The following RARB variants were observed in gnomAD, a reference collection of about 807,000 sequenced individuals.
The protein encoded by RARB is HBV-activated protein.
A neutral mutation model predicts 51.9 loss-of-function variants in RARB; 17 were observed. The observed-to-expected ratio is 0.33, with a 90% CI of 0.22 to 0.49. The LOEUF is 0.49. RARB is among the 20% of genes least tolerant of loss of function. The pLI, the probability that RARB is intolerant of heterozygous loss-of-function variation, is 0.99. For synonymous variants in RARB, 215 were observed against 195.4 expected, an observed-to-expected ratio of 1.10 and a Z score of -0.84; for missense variants, 369 against 550.8, an observed-to-expected ratio of 0.67 and a Z score of 3.30.
chr3:25,387,882 A>G (rs1229239491), intron 5 of RARB, among the ~76,000 whole-genome samples: 1 of 152,196 alleles, frequency 6.6e-6, no homozygotes, highest in African/African-American at 2.4e-5. Context: ...TAGAAAAAAA[A>G]AAAAGAGCAT....
intron 5 of RARB, among the ~76,000 whole-genome samples, chr3:25,223,726 A>G (rs766865228): frequency 3.3e-5 from 5 of 152,260 alleles, no homozygotes; most frequent in Non-Finnish European, 7.3e-5. Context: ...GAAAAGTTCC[A>G]TTAGTTACCA....
At chr3:24,995,282 T>TC (rs1474514278) in intron 2 of RARB, among the ~76,000 whole-genome samples, 4 of 152,170 alleles carry the variant, frequency 2.6e-5, no homozygotes, top group African/African-American at 7.2e-5. Flanking sequence ...TGTCTTTTTT[T>TC]CAGCTAGTTT....
chr3:24,881,973 T>A (rs1703175672), intron 2 of RARB, among the ~76,000 whole-genome samples: 1 of 152,176 alleles, frequency 6.6e-6, no homozygotes. Context: ...AAAAGATACG[T>A]AATTATGTGC....
chr3:25,042,034 C>T (rs903098178), intron 2 of RARB, among the ~76,000 whole-genome samples: 3 of 151,992 alleles, frequency 2.0e-5, no homozygotes, highest in African/African-American at 2.4e-5. Context: ...GTAATAACAT[C>T]GGGAGTGGAA....
intron 2 of RARB, among the ~76,000 whole-genome samples, chr3:25,034,210 T>G (rs537207293): frequency 1.3e-5 from 2 of 152,182 alleles, no homozygotes; most frequent in Non-Finnish European, 2.9e-5. Context: ...CTCAGGAGGC[T>G]AAGGCGGGAG....
chr3:25,018,714 CT>C (rs1452059630), intron 2 of RARB, among the ~76,000 whole-genome samples: 1 of 152,172 alleles, frequency 6.6e-6, no homozygotes. Flanking sequence ...AATTTTACAT[CT>C]GTGACTCAGT....
intron 2 of RARB, among the ~76,000 whole-genome samples, chr3:24,863,953 C>T (rs1209009117): frequency 6.6e-6 from 1 of 152,062 alleles, no homozygotes; most frequent in African/African-American, 2.4e-5. Context: ...GCTCTTGGCG[C>T]CACCCTATCT....
At chr3:25,021,756 G>A (rs1235616535) in intron 2 of RARB, among the ~76,000 whole-genome samples, 1 of 151,802 alleles carries the variant, frequency 6.6e-6, no homozygotes, top group Non-Finnish European at 1.5e-5. Context: ...GTTGTACTGA[G>A]TGCCAAAGAA....
At chr3:25,168,906 A>T (rs1276384812) in intron 4 of RARB, among the ~76,000 whole-genome samples, 2 of 152,224 alleles carry the variant, frequency 1.3e-5, no homozygotes, top group African/African-American at 4.8e-5. Context: ...AACACAATGA[A>T]GCAGGGAAAG....
chr3:25,565,571 T>G (rs1700459807), intron 3 of RARB, among the ~76,000 whole-genome samples: 1 of 152,178 alleles, frequency 6.6e-6, no homozygotes, highest in South Asian at 2.1e-4. Context: ...TCAATAAATA[T>G]TCATTGAATG....
intron 4 of RARB, among the ~76,000 whole-genome samples, chr3:25,155,593 T>C (rs975922463): frequency 4.6e-5 from 7 of 152,234 alleles, no homozygotes; most frequent in African/African-American, 1.7e-4. Context: ...GTTAATTAAG[T>C]AGGTGGATTA....
At chr3:24,978,673 T>C (rs1244011781) in intron 2 of RARB, among the ~76,000 whole-genome samples, 2 of 152,128 alleles carry the variant, frequency 1.3e-5, no homozygotes, top group East Asian at 3.9e-4. Flanking sequence ...TTGCTATCAG[T>C]CTGTTTTGTT....
At chr3:25,236,017 A>G (rs1243501093) in intron 5 of RARB, among the ~76,000 whole-genome samples, 1 of 152,176 alleles carries the variant, frequency 6.6e-6, no homozygotes, top group Non-Finnish European at 1.5e-5. Flanking sequence ...ATCCTGAAAA[A>G]TAGTACATGT....
chr3:25,488,848 G>A (rs1559429788), intron 2 of RARB, among the ~76,000 whole-genome samples: 1 of 152,214 alleles, frequency 6.6e-6, no homozygotes, highest in Non-Finnish European at 1.5e-5. Flanking sequence ...ACATCCATTA[G>A]GCTGCCTTTA....
intron 3 of RARB, among the ~76,000 whole-genome samples, chr3:25,530,951 C>G (rs573819174): frequency 6.6e-6 from 1 of 152,140 alleles, no homozygotes; most frequent in Non-Finnish European, 1.5e-5. Context: ...CTTTTATACC[C>G]TAGGAGCAAA....
intron 1 of RARB, among the ~76,000 whole-genome samples, chr3:24,858,101 T>C (rs1337336491): frequency 1.3e-5 from 2 of 152,328 alleles, no homozygotes; most frequent in Middle Eastern, 3.4e-3. Flanking sequence ...TTAAAAAATG[T>C]TAGGATTAGA....
At chr3:25,421,403 C>CTTTTTTTTTTTTTTTT (rs766378555) in intron 5 of RARB, among the ~76,000 whole-genome samples, 61 of 72,354 alleles carry the variant, frequency 8.4e-4, no homozygotes, top group Non-Finnish European at 1.1e-3. Context: ...TTCTTCTTTT[C>CTTTTTTTTTTTTTTTT]TTTTTTTTTT....
chr3:24,895,095 C>A (rs1219892468), intron 2 of RARB, among the ~76,000 whole-genome samples: 1 of 152,076 alleles, frequency 6.6e-6, no homozygotes, highest in African/African-American at 2.4e-5. Context: ...AGTAAAGTTG[C>A]CTATTGATTA....
At chr3:24,902,546 C>T (rs1209476674) in intron 2 of RARB, among the ~76,000 whole-genome samples, 2 of 152,100 alleles carry the variant, frequency 1.3e-5, no homozygotes, top group Admixed American at 6.6e-5. Flanking sequence ...GTAATTTGGT[C>T]TGGGTTGGGA....
Sources: allele counts gnomAD v4.1 joint callset (sites outside exome capture counted in the v4.1 genomes callset), GRCh38; gene constraint gnomAD v4.1.1; transcripts MANE v1.5; gene names NCBI Gene and HGNC (gene_info 2026-07-23, HGNC 2026-07-21).